Variants in DENND1A observed in about 807,000 individuals in gnomAD.
The protein encoded by DENND1A is DENN domain-containing protein 1A.
Under a neutral mutation model 113.7 loss-of-function variants are expected in DENND1A, and 51 were observed. The ratio of observed to expected loss-of-function variants is 0.45; its 90% CI spans 0.36 to 0.57. DENND1A has a LOEUF of 0.57. DENND1A is among the 20% of genes least tolerant of loss of function. The pLI is 0.00. For missense variants in DENND1A, 1,258 were observed against 1,395.9 expected (o/e 0.90, Z 1.57); for synonymous variants, 565 against 570.8 (o/e 0.99, Z 0.14).
At chr9:123,457,462 A>C in intron 14 of DENND1A, 27 bp from the exon 15 acceptor site, 2 of 1,553,368 alleles carry the variant, frequency 1.3e-6, no homozygotes, top group Non-Finnish European at 1.8e-6. Flanking sequence ...CAAAAGCACA[A>C]CAGCTCGTAC....
chr9:123,600,771 C>A (rs2059905439), intron 11 of DENND1A, among the ~76,000 whole-genome samples: 1 of 151,510 alleles, frequency 6.6e-6, no homozygotes, highest in Admixed American at 6.6e-5. Context: ...GCGGAGGATG[C>A]AGTGAGCTGA....
At chr9:123,757,667 A>G (rs2070683890) in intron 5 of DENND1A, 36 bp downstream of exon 5, 6 of 1,602,152 alleles carry the variant, frequency 3.7e-6, no homozygotes, top group Non-Finnish European at 5.1e-6. Flanking sequence ...ACATTGCTTC[A>G]GAGAACAAGC....
At chr9:123,726,728 ATT>A (rs1221736048) in intron 5 of DENND1A, among the ~76,000 whole-genome samples, 1 of 152,204 alleles carries the variant, frequency 6.6e-6, no homozygotes, top group African/African-American at 2.4e-5. Flanking sequence ...TTAAATATGG[ATT>A]TTTAGCCTAT....
chr9:123,415,329 G>C (rs1406969437), intron 19 of DENND1A, among the ~76,000 whole-genome samples: 4 of 152,186 alleles, frequency 2.6e-5, no homozygotes, highest in Non-Finnish European at 5.9e-5. Flanking sequence ...CCCTGGGCTT[G>C]TTATGATGCT....
intron 1 of DENND1A, among the ~76,000 whole-genome samples, chr9:123,910,969 T>A (rs575562288): frequency 3.9e-5 from 6 of 152,186 alleles, no homozygotes; most frequent in Non-Finnish European, 8.8e-5. Context: ...ACAAGCACTA[T>A]TAAGTGTAAA....
At chr9:123,909,749 T>C (rs963234637) in intron 1 of DENND1A, among the ~76,000 whole-genome samples, 8 of 152,042 alleles carry the variant, frequency 5.3e-5, no homozygotes, top group East Asian at 1.9e-4. Context: ...GGAAGTAAAA[T>C]TGTCATTCAC....
At chr9:123,405,981 CTG>C (rs1178647135) in intron 20 of DENND1A, among the ~76,000 whole-genome samples, 1 of 142,632 alleles carries the variant, frequency 7.0e-6, no homozygotes, top group African/African-American at 2.6e-5. Flanking sequence ...ACTCCACTTC[CTG>C]CCCACCCTTT....
rs10655282 is a variant in DENND1A at position 123,464,994 on chromosome 9, C to CAAAA, written c.994-7101_994-7098dup. ...CAAAAACCCATTTCTACTAAAAATA[C>CAAAA]AAAAAAAAAAAAAAAAAAAAAAAAA... On this transcript the variant is annotated intron_variant, in intron 13 of 23. Transcript: ENST00000394215. Among the ~76,000 whole-genome samples the CAAAA allele has an allele frequency of 1.3e-3, 94 of 70,542 alleles. 1 individual carries two copies. Among genetic ancestry groups the CAAAA allele is most frequent in the East Asian group, 2.2e-3 (5 of 2,252 alleles). 46.3% of individuals were successfully genotyped at this position (70,542 alleles called of 152,430 possible). A position where few individuals can be genotyped will look rare whatever the true frequency, so the allele number is the denominator to read the frequency against.
chr9:123,510,790 A>G (rs2053392459), intron 13 of DENND1A, among the ~76,000 whole-genome samples: 1 of 152,204 alleles, frequency 6.6e-6, no homozygotes, highest in African/African-American at 2.4e-5. Context: ...CAGAAAGGGG[A>G]TGCTTTACAC....
At chr9:123,857,282 A>G (rs1439195681) in intron 2 of DENND1A, among the ~76,000 whole-genome samples, 1 of 152,238 alleles carries the variant, frequency 6.6e-6, no homozygotes. Context: ...GAGCCCTTCA[A>G]GTTGGCTCCT....
At chr9:123,690,395 T>C (rs1213677968) in intron 5 of DENND1A, among the ~76,000 whole-genome samples, 1 of 152,140 alleles carries the variant, frequency 6.6e-6, no homozygotes, top group Admixed American at 6.5e-5. Context: ...TTATTCATAA[T>C]TGAAAATACT....
intron 16 of DENND1A, among the ~76,000 whole-genome samples, chr9:123,453,210 A>T (rs962264465): frequency 6.6e-6 from 1 of 152,204 alleles, no homozygotes; most frequent in Admixed American, 6.5e-5. Flanking sequence ...GAGGCAGGAC[A>T]GCACAGTAAA....
intron 2 of DENND1A, among the ~76,000 whole-genome samples, chr9:123,874,521 G>A (rs1315976025): frequency 5.3e-5 from 8 of 152,174 alleles, no homozygotes. Context: ...CATCTACTAA[G>A]GAGGCTAAGG....
intron 13 of DENND1A, among the ~76,000 whole-genome samples, chr9:123,541,480 C>A (rs1244187541): frequency 1.3e-5 from 2 of 152,144 alleles, no homozygotes; most frequent in African/African-American, 2.4e-5. Flanking sequence ...ACCTCCAGAC[C>A]ATTTTATTGT....
chr9:123,526,674 G>A (rs1000494479), intron 13 of DENND1A, among the ~76,000 whole-genome samples: 2 of 152,166 alleles, frequency 1.3e-5, no homozygotes, highest in African/African-American at 4.8e-5. Context: ...TCTCTTTGGT[G>A]GCCCTAGACA....
intron 1 of DENND1A, among the ~76,000 whole-genome samples, chr9:123,921,194 A>G (rs1856187557): frequency 6.6e-6 from 1 of 152,202 alleles, no homozygotes; most frequent in Non-Finnish European, 1.5e-5. Context: ...TCTCCTCTCC[A>G]AGCAATATTA....
chr9:123,900,127 A>G (rs1270897983), intron 1 of DENND1A, among the ~76,000 whole-genome samples: 2 of 152,236 alleles, frequency 1.3e-5, no homozygotes, highest in Non-Finnish European at 2.9e-5. Context: ...ATACTCCTAA[A>G]GCGGATTGCT....
chr9:123,821,774 C>T (rs1838511914), intron 2 of DENND1A, among the ~76,000 whole-genome samples: 1 of 152,192 alleles, frequency 6.6e-6, no homozygotes, highest in Non-Finnish European at 1.5e-5. Flanking sequence ...CTCAGTCCAA[C>T]AATATGCAGA....
intron 13 of DENND1A, among the ~76,000 whole-genome samples, chr9:123,507,097 G>A (rs149788061): frequency 0.016 from 2,372 of 152,314 alleles, 59 homozygotes; most frequent in African/African-American, 0.053. Context: ...GCTGAGGCAC[G>A]AGAATAGCTT....
Sources: allele counts gnomAD v4.1 joint callset (sites outside exome capture counted in the v4.1 genomes callset), GRCh38; gene constraint gnomAD v4.1.1; transcripts MANE v1.5; gene names NCBI Gene and HGNC (gene_info 2026-07-23, HGNC 2026-07-21).